The following SLC40A1 variants were observed in gnomAD, a reference collection of about 807,000 sequenced individuals.
SLC40A1 encodes ferroportin.
In SLC40A1, 16 loss-of-function variants were observed where a neutral mutation model predicts 53.5. The observed-to-expected ratio is 0.30, with a 90% CI of 0.20 to 0.45. The LOEUF (loss-of-function observed/expected upper bound fraction) is 0.45. Among genes scored for constraint, SLC40A1 ranks in the 20% least tolerant of loss-of-function variants. SLC40A1 has a pLI of 1.00. For synonymous variants in SLC40A1, 247 were observed against 253.2 expected (o/e 0.98, Z 0.23); for missense variants, 545 against 695.4 (o/e 0.78, Z 2.43).
Position 189,561,794 on chromosome 2 carries a change from A to G in SLC40A1, c.*84T>C. On this transcript the variant is annotated 3_prime_UTR_variant, in exon 8 of 8. Transcript: ENST00000261024. The stretch of plus-strand genomic sequence containing the variant: ...GTGGTAAAAACAGAGCAAAACACCC[A>G]GCCATTTATTGGAATTCTGCAGTAC... 1.6e-6 allele frequency: 2 copies of G among 1,212,444 alleles called. No homozygotes were observed. The highest frequency in any genetic ancestry group is 2.4e-5 in the East Asian group (1 of 41,868). The allele number at this position is 1,212,444 out of a possible 1,614,324, so 75.1% of individuals were successfully genotyped here. A position where few individuals can be genotyped will look rare whatever the true frequency, so the allele number is the denominator to read the frequency against.
chr2:189,563,547 A>G, intron 7 of SLC40A1, 37 bp downstream of exon 7: 2 of 1,581,112 alleles, frequency 1.3e-6, no homozygotes, highest in Non-Finnish European at 1.7e-6. Flanking sequence ...ACAAAAAGAC[A>G]CTTTAGTTCA....
At chr2:189,574,347 T>C (rs2031226805) in intron 3 of SLC40A1, among the ~76,000 whole-genome samples, 2 of 152,210 alleles carry the variant, frequency 1.3e-5, no homozygotes, top group African/African-American at 4.8e-5. Flanking sequence ...AACAGAAATA[T>C]GTTCACCTTG....
At chr2:189,577,780 A>C (rs917756820) in intron 2 of SLC40A1, among the ~76,000 whole-genome samples, 1 of 151,442 alleles carries the variant, frequency 6.6e-6, no homozygotes, top group African/African-American at 2.4e-5. Context: ...CACCTGGCTA[A>C]TTTTTAAATT....
At chr2:189,577,216 A>G (rs1350723781) in intron 2 of SLC40A1, among the ~76,000 whole-genome samples, 6 of 152,192 alleles carry the variant, frequency 3.9e-5, no homozygotes, top group African/African-American at 1.4e-4. Context: ...ATGGTCCTCA[A>G]TCCACTTAAT....
chr2:189,574,860 CT>C (rs1349923258), intron 3 of SLC40A1, among the ~76,000 whole-genome samples: 2 of 152,162 alleles, frequency 1.3e-5, no homozygotes, highest in Non-Finnish European at 2.9e-5. Context: ...GTTAAGCAAA[CT>C]TTTAATGTTT....
chr2:189,576,746 G>A (rs2031297381), intron 2 of SLC40A1, among the ~76,000 whole-genome samples: 1 of 152,190 alleles, frequency 6.6e-6, no homozygotes, highest in South Asian at 2.1e-4. Context: ...TGTCCCAAAT[G>A]ATAGGTTGCC....
At position 189,565,405 on chromosome 2, in the gene SLC40A1, C is replaced by T. The variant is rs2030905099; in HGVS notation, c.709G>A (p.Ala237Thr). The change falls in exon 6 of 8, where the codon GCT (alanine) becomes ACT (threonine). Residue 237 changes from alanine to threonine, a missense_variant. Transcript: ENST00000261024. ...YQKTPALAVK[A>T]GLKEEETELK... ...TCAGTTTCCTCTTCTTTAAGACCAG[C>T]TTTCACAGCTAGAGCTGGGGTTTTC... The T allele has an allele frequency of 6.2e-7, 1 of 1,614,134 alleles. No homozygotes were observed. Among genetic ancestry groups the T allele is most frequent in the African/African-American group, 1.3e-5 (1 of 74,942 alleles).
At chr2:189,578,418 T>G in intron 2 of SLC40A1, 1 of 983,138 alleles carries the variant, frequency 1.0e-6, no homozygotes, top group South Asian at 4.8e-5. Context: ...TGACAAAATA[T>G]CCTCCTGGAA....
chr2:189,566,063 C>T (rs914032405), intron 5 of SLC40A1, among the ~76,000 whole-genome samples: 3 of 152,040 alleles, frequency 2.0e-5, no homozygotes, highest in East Asian at 1.9e-4. Flanking sequence ...TGTGTATACA[C>T]ACACAAACAC....
At chr2:189,564,560 G>A (rs1448366936) in intron 6 of SLC40A1, among the ~76,000 whole-genome samples, 1 of 152,034 alleles carries the variant, frequency 6.6e-6, no homozygotes, top group African/African-American at 2.4e-5. Context: ...CAGCGTATTG[G>A]CCAGGCACGG....
chr2:189,571,522 T>C (rs1303105257), intron 5 of SLC40A1, among the ~76,000 whole-genome samples, 193 bp downstream of exon 5: 1 of 151,918 alleles, frequency 6.6e-6, no homozygotes, highest in East Asian at 1.9e-4. Flanking sequence ...AGCTATCCTA[T>C]AAGTTAACTT....
chr2:189,578,029 T>C (rs2031344289), intron 2 of SLC40A1, among the ~76,000 whole-genome samples: 1 of 152,170 alleles, frequency 6.6e-6, no homozygotes, highest in Non-Finnish European at 1.5e-5. Context: ...AAAACTAACC[T>C]GAGGCAACCT....
Position 189,580,549 on chromosome 2 carries a change from T to G in SLC40A1, c.-89A>C. ...GCTTGTTAACAGGAGTGCAAGGAAC[T>G]GGAGATAGCACCTCTAAAAACACAA... On this transcript the variant is annotated 5_prime_UTR_variant, in exon 1 of 8. Transcript: ENST00000261024. The G allele has an allele frequency of 6.2e-7, 1 of 1,605,936 alleles. No individual in the cohort carries two copies. Among genetic ancestry groups the G allele is most frequent in the African/African-American group, 1.3e-5 (1 of 75,030 alleles).
At position 189,580,605 on chromosome 2, in the gene SLC40A1, C is replaced by A; in HGVS notation, c.-145G>T. ...TTGGGCAAAAAGACTACAACGACGA[C>A]TTTGGCAAAGAACAAAAGAAAAGGG... is the stretch of plus-strand genomic sequence containing the variant. On this transcript the variant is annotated 5_prime_UTR_variant, in exon 1 of 8. Coordinates refer to ENST00000261024, the MANE Select transcript of SLC40A1 (RefSeq NM_014585.6). 6.4e-7 allele frequency: 1 copy of A among 1,561,062 alleles called. No homozygotes were observed.
chr2:189,562,954 T>C (rs1310286002), intron 7 of SLC40A1, among the ~76,000 whole-genome samples: 1 of 152,050 alleles, frequency 6.6e-6, no homozygotes, highest in East Asian at 1.9e-4. Flanking sequence ...AAACTACAGT[T>C]TTTTTGTTAA....
intron 7 of SLC40A1, among the ~76,000 whole-genome samples, chr2:189,563,289 C>CAAAAAAAAAAAAAAAAAAAAAAA (rs964698716): frequency 2.4e-5 from 3 of 125,662 alleles, no homozygotes; most frequent in Admixed American, 8.0e-5. Context: ...AAAAAAAAAA[C>CAAAAAAAAAAAAAAAAAAAAAAA]AAAAAAAAAA....
Position 189,580,407 on chromosome 2 carries a change from A to G in SLC40A1, c.43+11T>C, listed in dbSNP as rs779136907. 3.7e-6 allele frequency: 6 copies of G among 1,613,542 alleles called. No individual in the cohort carries two copies. Among genetic ancestry groups the G allele is most frequent in the East Asian group, 2.2e-5 (1 of 44,880 alleles). ...GGTTTCCACCATATGCTTTCGGTCA[A>G]CGACACTCACCACAGCATCCTCTCT... is the stretch of plus-strand genomic sequence containing the variant. On this transcript the variant is annotated intron_variant, in intron 1 of 7. Transcript: ENST00000261024.
chr2:189,561,596 T>G lies in SLC40A1; in HGVS notation c.*282A>C. ...TGACTAACCACTCTTTTACGTAAGA[T>G]TGTATCTACTCATGAGAAATAGGGG... is the stretch of plus-strand genomic sequence containing the variant. On this transcript the variant is annotated 3_prime_UTR_variant, in exon 8 of 8. Coordinates refer to ENST00000261024, the MANE Select transcript of SLC40A1 (RefSeq NM_014585.6). 1 of 383,322 alleles carries G rather than the reference T, an allele frequency of 2.6e-6. No homozygotes were observed. The highest frequency in any genetic ancestry group is 4.8e-6 in the Non-Finnish European group (1 of 207,698). The allele number at this position is 383,322 out of a possible 1,614,324, so 23.7% of individuals were successfully genotyped here.
chr2:189,574,608 T>G (rs2031233584), intron 3 of SLC40A1, among the ~76,000 whole-genome samples: 1 of 152,234 alleles, frequency 6.6e-6, no homozygotes, highest in Non-Finnish European at 1.5e-5. Context: ...ATGACATGAT[T>G]TCAGTACTAA....
Sources: allele counts gnomAD v4.1 joint callset (sites outside exome capture counted in the v4.1 genomes callset), GRCh38; gene constraint gnomAD v4.1.1; transcripts MANE v1.5; gene names NCBI Gene and HGNC (gene_info 2026-07-23, HGNC 2026-07-21).